The following INPP5A variants were observed in gnomAD, a reference collection of about 807,000 sequenced individuals.
INPP5A encodes 43 kDa inositol polyphosphate 5-phophatase.
A neutral mutation model predicts 65.2 loss-of-function variants in INPP5A; 14 were observed. The observed-to-expected ratio is 0.21, with a 90% CI of 0.14 to 0.34. The LOEUF (loss-of-function observed/expected upper bound fraction) is 0.34, where lower values mean the gene tolerates loss of function less well. INPP5A is among the 10% of genes least tolerant of loss of function. INPP5A has a pLI of 1.00. For missense variants in INPP5A, 431 were observed against 545.6 expected, an observed-to-expected ratio of 0.79 and a Z score of 2.09; for synonymous variants, 207 against 208.3, an observed-to-expected ratio of 0.99 and a Z score of 0.05.
chr10:132,732,373 C>T (rs1372607077), intron 9 of INPP5A, among the ~76,000 whole-genome samples: 2 of 152,204 alleles, frequency 1.3e-5, no homozygotes, highest in Non-Finnish European at 2.9e-5. Flanking sequence ...ACAAGTCTTT[C>T]GTTACATTTT....
At chr10:132,721,124 G>A (rs1431957658) in intron 8 of INPP5A, among the ~76,000 whole-genome samples, 1 of 149,920 alleles carries the variant, frequency 6.7e-6, no homozygotes, top group African/African-American at 2.4e-5. Context: ...ACTGTCTTCA[G>A]GGTTCTGTGG....
intron 1 of INPP5A, among the ~76,000 whole-genome samples, chr10:132,554,657 G>C (rs532560583): frequency 6.6e-6 from 1 of 151,408 alleles, no homozygotes; most frequent in South Asian, 2.1e-4. Flanking sequence ...GGTCCATGTG[G>C]GTAGTATAGG....
Sources: gnomAD v4.1 joint callset for allele counts (sites outside exome capture counted in the v4.1 genomes callset) on GRCh38, gnomAD v4.1.1 for gene constraint, MANE v1.5 for transcripts, NCBI Gene and HGNC (gene_info 2026-07-23, HGNC 2026-07-21) for gene names.